The following DYNC1I2 variants were observed in gnomAD, a reference collection of about 807,000 sequenced individuals.
The protein encoded by DYNC1I2 is cytoplasmic dynein 1 intermediate chain 2.
DYNC1I2 carries 53 observed loss-of-function variants against 88.6 expected under a neutral mutation model. The observed-to-expected ratio is 0.60, with a 90% CI of 0.48 to 0.75. The LOEUF is 0.75. DYNC1I2 is among the 30% of genes least tolerant of loss of function. The pLI is 0.00. For missense variants in DYNC1I2, 458 were observed against 766.6 expected (o/e 0.60, Z 4.75); for synonymous variants, 198 against 254.6 (o/e 0.78, Z 2.12).
chr2:171,733,046 A>C lies in DYNC1I2; in HGVS notation c.1536+3193A>C, dbSNP rs181215213. Among the ~76,000 whole-genome samples, 80 of 152,176 alleles carry C rather than the reference A, an allele frequency of 5.3e-4. 3 individuals are homozygous for C. The highest frequency in any genetic ancestry group is 1.7e-3 in the East Asian group (9 of 5,176). On this transcript the variant is annotated intron_variant, in intron 15 of 17. Coordinates refer to ENST00000397119, the MANE Select transcript of DYNC1I2 (RefSeq NM_001378.3). ...GAGTTGTTCTCCTCTATGTGTCTAC[A>C]TGTATGTTCATTGTTTAGCTCCCAT...
rs1346330689 is a variant in DYNC1I2 at position 171,725,625 on chromosome 2, G to A, written c.519G>A (p.Glu173=). Residue 173 remains glutamate, a synonymous_variant, in exon 8 of 18, where the codon GAG becomes GAA. Transcript: ENST00000397119. The part of the protein sequence containing the change: ...PVMAQPKEDE[E]EDDDVVAPKP... ...TTTTTTTTTTTTTTTCAGATGAAGA[G>A]GAAGATGATGATGTAGTGGCTCCTA... 4.8e-6 allele frequency: 6 copies of A among 1,258,246 alleles called. No individual in the cohort carries two copies. In the Admixed American group the frequency reaches 1.6e-4, roughly 33 times the overall value. 77.9% of individuals were successfully genotyped at this position (1,258,246 alleles called of 1,614,324 possible). A position where few individuals can be genotyped will look rare whatever the true frequency, so the allele number is the denominator to read the frequency against.
rs1689995710 is a variant in DYNC1I2 at position 171,749,864 on chromosome 2, A to G, written c.*1975A>G. On this transcript the variant is annotated 3_prime_UTR_variant, in exon 18 of 18. Coordinates refer to ENST00000397119, the MANE Select transcript of DYNC1I2 (RefSeq NM_001378.3). ...CAAAAGAGAAAGTATTGAGACTGTC[A>G]GTGTTGATAAAGCTTCTAGCAAGAT... Among the ~76,000 whole-genome samples the G allele has an allele frequency of 6.6e-6, 1 of 152,182 alleles. No individual in the cohort carries two copies.
intron 10 of DYNC1I2, 156 bp downstream of exon 10, chr2:171,726,449 T>C: frequency 1.7e-6 from 1 of 600,094 alleles, no homozygotes; most frequent in South Asian, 2.7e-5. Flanking sequence ...TCATCTTATG[T>C]ACTTTGGAAG....
At chr2:171,691,315 T>A (rs192225819) in intron 2 of DYNC1I2, among the ~76,000 whole-genome samples, 1 of 152,352 alleles carries the variant, frequency 6.6e-6, no homozygotes, top group East Asian at 1.9e-4. Flanking sequence ...TGAAATATAC[T>A]TTTATCCCTA....
intron 7 of DYNC1I2, among the ~76,000 whole-genome samples, chr2:171,715,922 A>G (rs964204377): frequency 4.2e-4 from 64 of 152,272 alleles, no homozygotes; most frequent in African/African-American, 1.5e-3. Context: ...CTTTTATGAT[A>G]TAGGGGCTCT....
chr2:171,698,836 T>C (rs1043203237), intron 3 of DYNC1I2, among the ~76,000 whole-genome samples: 3 of 151,894 alleles, frequency 2.0e-5, no homozygotes, highest in African/African-American at 7.3e-5. Flanking sequence ...GCCACTGCAC[T>C]CCAGCCTGAG....
At chr2:171,723,799 A>G (rs1489395585) in intron 7 of DYNC1I2, among the ~76,000 whole-genome samples, 1 of 152,192 alleles carries the variant, frequency 6.6e-6, no homozygotes, top group Non-Finnish European at 1.5e-5. Context: ...CCGCCTCCTC[A>G]GCAGGGTCAC....
intron 16 of DYNC1I2, among the ~76,000 whole-genome samples, chr2:171,745,030 A>G (rs1689689194): frequency 6.6e-6 from 1 of 152,182 alleles, no homozygotes; most frequent in Non-Finnish European, 1.5e-5. Flanking sequence ...ATATTTCTTT[A>G]TAACAATTTT....
rs894287706 is a variant in DYNC1I2 at position 171,749,149 on chromosome 2, G to C, written c.*1260G>C. On this transcript the variant is annotated 3_prime_UTR_variant, in exon 18 of 18. Coordinates refer to ENST00000397119, the MANE Select transcript of DYNC1I2 (RefSeq NM_001378.3). ...GAGAAATTTCCAAATAATGAGTAGTGTATAGTGTAAGGAATAATTGACCTG... is the reference window on the plus strand; with the variant it reads ...GAGAAATTTCCAAATAATGAGTAGTCTATAGTGTAAGGAATAATTGACCTG... Among the ~76,000 whole-genome samples, 1 of 152,132 alleles carries C rather than the reference G, an allele frequency of 6.6e-6. No homozygotes were observed. Among genetic ancestry groups the C allele is most frequent in the East Asian group, 1.9e-4 (1 of 5,202 alleles).
rs779747662 is a variant in DYNC1I2 at position 171,744,112 on chromosome 2, C to T, written c.1600C>T (p.Pro534Ser). Residue 534 changes from proline to serine, a missense_variant, in exon 16 of 18, where the codon CCT (proline) becomes TCT (serine). By Grantham distance (74) the Pro-to-Ser change is moderately conservative. Around this residue, in one of 5 missense-constraint regions of DYNC1I2, gnomAD observed 188 missense variants for 300.4 expected, o/e 0.63. Transcript: ENST00000397119. ...ADYVYDVMWS[P>S]THPALFACVD... Reference sequence around the variant, plus strand: ...CTATGTTTATGATGTTATGTGGTCACCTACCCACCCAGCCCTGTTTGCCTG... The same window carrying T: ...CTATGTTTATGATGTTATGTGGTCATCTACCCACCCAGCCCTGTTTGCCTG... The T allele has an allele frequency of 6.2e-7, 1 of 1,613,170 alleles. No homozygotes were observed. The highest frequency in any genetic ancestry group is 8.5e-7 in the Non-Finnish European group (1 of 1,179,646).
chr2:171,735,576 A>G (rs2105741948), intron 15 of DYNC1I2, among the ~76,000 whole-genome samples: 1 of 152,348 alleles, frequency 6.6e-6, no homozygotes, highest in East Asian at 1.9e-4. Flanking sequence ...ATAGAAGACA[A>G]ACAGATTATT....
At position 171,721,273 on chromosome 2, in the gene DYNC1I2, G is replaced by A. The variant is rs139929411; in HGVS notation, c.512-4345G>A. On this transcript the variant is annotated intron_variant, in intron 7 of 17. Transcript: ENST00000397119. ...ATCATTAATGATTAAAAAGTCAGCT[G>A]TGTATTTTTCCCTTGTTGAAGAGCC... Among the ~76,000 whole-genome samples the A allele has an allele frequency of 4.7e-3, 716 of 152,152 alleles. 7 individuals carry two copies. The highest frequency in any genetic ancestry group is 0.032 in the South Asian group (154 of 4,818).
At chr2:171,745,191 ACT>A (rs1276270360) in intron 16 of DYNC1I2, among the ~76,000 whole-genome samples, 3 of 152,088 alleles carry the variant, frequency 2.0e-5, no homozygotes, top group Non-Finnish European at 4.4e-5. Flanking sequence ...AGCAAATAAA[ACT>A]CTTCTTCCTT....
In DYNC1I2 at chr2:171,690,273, A is replaced by AT. The variant is rs758312570; in HGVS notation, c.108+17dup. On this transcript the variant is annotated intron_variant, in intron 2 of 17. Coordinates refer to ENST00000397119, the MANE Select transcript of DYNC1I2 (RefSeq NM_001378.3). Reference sequence around the variant, plus strand: ...AAGGAAAAAAAAAGAAGTATGTTTGATTTTTTTGCTTAAATAAACAACATA... The same window carrying AT: ...AAGGAAAAAAAAAGAAGTATGTTTGATTTTTTTTGCTTAAATAAACAACATA... 1.3e-4 allele frequency: 194 copies of AT among 1,527,362 alleles called. No homozygotes were observed. Among genetic ancestry groups the AT allele is most frequent in the East Asian group, 3.9e-4 (16 of 40,694 alleles). 94.6% of individuals were successfully genotyped at this position (1,527,362 alleles called of 1,614,324 possible).
intron 7 of DYNC1I2, among the ~76,000 whole-genome samples, chr2:171,718,491 T>C (rs1388414261): frequency 1.3e-5 from 2 of 151,918 alleles, no homozygotes; most frequent in Admixed American, 1.3e-4. Context: ...TGGAGTGCAG[T>C]GGCACGATCT....
rs369450499 is a variant in DYNC1I2 at position 171,735,251 on chromosome 2, C to T, written c.1536+5398C>T. On this transcript the variant is annotated intron_variant, in intron 15 of 17. Transcript: ENST00000397119. ...ACTTCTACAGCTAGCCACTAATCTT[C>T]GCCTAGCCAGAGATTTATAATTCAG... 2.6e-4 allele frequency among the ~76,000 whole-genome samples: 40 copies of T among 152,304 alleles called. No individual in the cohort carries two copies. In the East Asian group the frequency reaches 4.4e-3, roughly 17 times the overall value.
intron 15 of DYNC1I2, among the ~76,000 whole-genome samples, chr2:171,742,353 T>C (rs1689498307): frequency 2.0e-5 from 3 of 151,932 alleles, no homozygotes; most frequent in Admixed American, 2.0e-4. Context: ...TTGTATTTTT[T>C]GTGGAGATGG....
chr2:171,695,457 A>T (rs113865910), intron 3 of DYNC1I2, among the ~76,000 whole-genome samples: 77 of 152,228 alleles, frequency 5.1e-4, no homozygotes, highest in Middle Eastern at 3.4e-3. Context: ...AAGGTTTCAC[A>T]TATCTCTGTG....
At chr2:171,708,818 G>T (rs1031236424) in intron 5 of DYNC1I2, among the ~76,000 whole-genome samples, 1 of 151,862 alleles carries the variant, frequency 6.6e-6, no homozygotes, top group Non-Finnish European at 1.5e-5. Flanking sequence ...TCAGCCTCCC[G>T]AGTAGCTGGG....
Sources: gnomAD v4.1 joint callset for allele counts (sites outside exome capture counted in the v4.1 genomes callset) on GRCh38, gnomAD v4.1.1 for gene constraint, gnomAD v4.1.1 regional missense constraint, MANE v1.5 for transcripts, NCBI Gene and HGNC (gene_info 2026-07-23, HGNC 2026-07-21) for gene names.